GALNTL6: variants seen among roughly 807,000 people sequenced by gnomAD.
GALNTL6 encodes polypeptide N-acetylgalactosaminyltransferase like 6, also known as polypeptide N-acetylgalactosaminyltransferase-like 6.
A neutral mutation model predicts 73.7 loss-of-function variants in GALNTL6; 46 were observed. The observed-to-expected ratio is 0.62, with a 90% CI of 0.49 to 0.80. GALNTL6 has a LOEUF of 0.80. Among genes scored for constraint, GALNTL6 ranks in the 30% least tolerant of loss-of-function variants. The pLI is 0.00. For missense variants in GALNTL6, 604 were observed against 755.0 expected (o/e 0.80, Z 2.34); for synonymous variants, 259 against 263.7 (o/e 0.98, Z 0.17).
At chr4:172,078,173 A>C (rs1223585844) in intron 2 of GALNTL6, among the ~76,000 whole-genome samples, 1 of 152,174 alleles carries the variant, frequency 6.6e-6, no homozygotes, top group African/African-American at 2.4e-5. Context: ...GAGAACCTCT[A>C]CTAGGGCAGT....
intron 8 of GALNTL6, among the ~76,000 whole-genome samples, chr4:172,889,873 T>C (rs2111209560): frequency 6.6e-6 from 1 of 152,258 alleles, no homozygotes; most frequent in Middle Eastern, 3.4e-3. Context: ...TGGCTGTGAA[T>C]CCATCTGGTC....
intron 8 of GALNTL6, among the ~76,000 whole-genome samples, chr4:172,927,757 A>T (rs1271872053): frequency 6.6e-6 from 1 of 152,156 alleles, no homozygotes; most frequent in Non-Finnish European, 1.5e-5. Context: ...AGAGAGTCAA[A>T]TTTCTCACAT....
intron 5 of GALNTL6, among the ~76,000 whole-genome samples, chr4:172,420,080 G>T (rs1730998765): frequency 6.6e-6 from 1 of 152,154 alleles, no homozygotes; most frequent in African/African-American, 2.4e-5. Flanking sequence ...AAGTCTACTT[G>T]TCTACAGTAA....
intron 2 of GALNTL6, among the ~76,000 whole-genome samples, chr4:172,229,331 T>C (rs1199054867): frequency 6.6e-6 from 1 of 152,176 alleles, no homozygotes; most frequent in Non-Finnish European, 1.5e-5. Context: ...TTGGTAGCAT[T>C]ACCAATATTT....
intron 4 of GALNTL6, among the ~76,000 whole-genome samples, chr4:172,341,795 CCT>C (rs1741576465): frequency 6.6e-6 from 1 of 152,284 alleles, no homozygotes; most frequent in South Asian, 2.1e-4. Flanking sequence ...TCCAATTAAA[CCT>C]CTTTCTTTTA....
chr4:171,935,948 A>G (rs895511318), intron 2 of GALNTL6, among the ~76,000 whole-genome samples: 3 of 152,178 alleles, frequency 2.0e-5, no homozygotes, highest in Admixed American at 2.0e-4. Context: ...GCTTCATGTC[A>G]CACAGTAAGT....
chr4:172,022,325 C>A (rs74982585), intron 2 of GALNTL6, among the ~76,000 whole-genome samples: 11,424 of 152,084 alleles, frequency 0.075, 834 homozygotes, highest in African/African-American at 0.19. Flanking sequence ...AGTTTATGAA[C>A]TAGAGCCTTC....
At chr4:172,330,446 T>G (rs1208225132) in intron 4 of GALNTL6, among the ~76,000 whole-genome samples, 1 of 152,184 alleles carries the variant, frequency 6.6e-6, no homozygotes, top group Non-Finnish European at 1.5e-5. Context: ...TCATCTTGCC[T>G]TGTTTGTCTT....
At chr4:171,968,450 T>A (rs1739454307) in intron 2 of GALNTL6, among the ~76,000 whole-genome samples, 1 of 152,196 alleles carries the variant, frequency 6.6e-6, no homozygotes. Context: ...CATCTTCAAG[T>A]GCTTCTTCTC....
intron 5 of GALNTL6, among the ~76,000 whole-genome samples, chr4:172,429,176 T>G (rs150084871): frequency 0.01 from 154 of 14,726 alleles, 1 homozygote; most frequent in African/African-American, 0.028. Context: ...TTTTGTTTTA[T>G]TATTTTATTT....
intron 3 of GALNTL6, among the ~76,000 whole-genome samples, chr4:172,261,722 A>G (rs1214730670): frequency 2.0e-5 from 3 of 151,082 alleles, no homozygotes; most frequent in Non-Finnish European, 4.5e-5. Context: ...AGACTTTTTG[A>G]TGTAGGCAAT....
intron 5 of GALNTL6, among the ~76,000 whole-genome samples, chr4:172,567,624 C>T (rs1736605442): frequency 6.6e-6 from 1 of 152,056 alleles, no homozygotes; most frequent in Admixed American, 6.6e-5. Context: ...TCACTTGAGG[C>T]CAGGAGTTGG....
chr4:172,309,453 G>C, intron 3 of GALNTL6, among the ~76,000 whole-genome samples: 1 of 152,058 alleles, frequency 6.6e-6, no homozygotes, highest in Non-Finnish European at 1.5e-5. Context: ...TAAAGACCTT[G>C]TTTTAAAGGG....
chr4:172,569,576 A>C (rs778877651), intron 5 of GALNTL6, among the ~76,000 whole-genome samples: 1 of 152,158 alleles, frequency 6.6e-6, no homozygotes, highest in Non-Finnish European at 1.5e-5. Flanking sequence ...TACTCCAAGG[A>C]GTTTACTCGG....
At chr4:172,543,070 C>T (rs1735629722) in intron 5 of GALNTL6, among the ~76,000 whole-genome samples, 1 of 150,494 alleles carries the variant, frequency 6.6e-6, no homozygotes, top group African/African-American at 2.4e-5. Context: ...GCACTCCAGC[C>T]TGGTGACAGA....
chr4:172,925,654 C>G (rs960697522), intron 8 of GALNTL6, among the ~76,000 whole-genome samples: 2 of 152,134 alleles, frequency 1.3e-5, no homozygotes, highest in Admixed American at 6.5e-5. Flanking sequence ...AAATGGGGAT[C>G]TCAGTCCCAT....
At chr4:172,588,532 CAA>C (rs1181803345) in intron 5 of GALNTL6, among the ~76,000 whole-genome samples, 40 of 95,746 alleles carry the variant, frequency 4.2e-4, no homozygotes, top group Non-Finnish European at 2.6e-4. Context: ...GACCCTGTCT[CAA>C]AAAAAAAAAA....
At chr4:172,417,969 A>T (rs1349361921) in intron 5 of GALNTL6, among the ~76,000 whole-genome samples, 1 of 152,152 alleles carries the variant, frequency 6.6e-6, no homozygotes, top group Non-Finnish European at 1.5e-5. Context: ...GTGCCACTTT[A>T]TAATACCTCT....
intron 5 of GALNTL6, among the ~76,000 whole-genome samples, chr4:172,419,079 A>G (rs1272426980): frequency 6.6e-6 from 1 of 152,058 alleles, no homozygotes; most frequent in Non-Finnish European, 1.5e-5. Context: ...GTGGGGTGGT[A>G]TATGTATATT....
Sources: allele counts gnomAD v4.1 joint callset (sites outside exome capture counted in the v4.1 genomes callset), GRCh38; gene constraint gnomAD v4.1.1; transcripts MANE v1.5; gene names NCBI Gene and HGNC (gene_info 2026-07-23, HGNC 2026-07-21).